Variants in AFAP1 observed in about 807,000 individuals in gnomAD.
AFAP1 encodes the protein actin filament associated protein 1.
A neutral mutation model predicts 93.9 loss-of-function variants in AFAP1; 75 were observed. The observed-to-expected ratio is 0.80, with a 90% confidence interval of 0.66 to 0.97. The LOEUF (loss-of-function observed/expected upper bound fraction) is 0.97, where lower values mean the gene tolerates loss of function less well. Ranked by LOEUF, AFAP1 falls within the 50% of genes least tolerant of loss-of-function variation. The pLI is 0.00. For missense variants in AFAP1, 1,201 were observed against 1,050.8 expected (o/e 1.14, Z -1.98); for synonymous variants, 517 against 430.7 (o/e 1.20, Z -2.48).
intron 10 of AFAP1, among the ~76,000 whole-genome samples, chr4:7,794,840 T>TAG (rs1440973798): frequency 1.3e-5 from 2 of 152,218 alleles, no homozygotes; most frequent in Non-Finnish European, 2.9e-5. Flanking sequence ...GCCATTGTTT[T>TAG]AAAGTGATTT....
chr4:7,879,699 C>CTTTTTTTTTTTTTTT (rs552211338), intron 1 of AFAP1, among the ~76,000 whole-genome samples: 44 of 121,706 alleles, frequency 3.6e-4, no homozygotes, highest in African/African-American at 1.2e-3. Context: ...TGCTTGCTTG[C>CTTTTTTTTTTTTTTT]TTTTTTTTTT....
intron 16 of AFAP1, among the ~76,000 whole-genome samples, chr4:7,770,877 G>A (rs1329757446): frequency 6.6e-6 from 1 of 152,134 alleles, no homozygotes; most frequent in East Asian, 1.9e-4. Flanking sequence ...ACAGAGGGAG[G>A]GGCACAGGGC....
At chr4:7,800,906 C>T (rs1367733236) in intron 9 of AFAP1, among the ~76,000 whole-genome samples, 1 of 152,188 alleles carries the variant, frequency 6.6e-6, no homozygotes, top group African/African-American at 2.4e-5. Flanking sequence ...GTGCAACGAA[C>T]CAGTTACCAG....
At chr4:7,929,202 A>C (rs1015779037) in intron 1 of AFAP1, among the ~76,000 whole-genome samples, 1 of 152,064 alleles carries the variant, frequency 6.6e-6, no homozygotes, top group South Asian at 2.1e-4. Flanking sequence ...TCTCCACATA[A>C]AAGTACAACT....
chr4:7,798,071 G>GATTGCAACTCTATTGGCTGGCTCACGGC (rs569702070), intron 10 of AFAP1, among the ~76,000 whole-genome samples: 2 of 150,976 alleles, frequency 1.3e-5, no homozygotes, highest in East Asian at 1.9e-4. Flanking sequence ...AAAAAGTATA[G>GATTGCAACTCTATTGGCTGGCTCACGGC]ATTGCAACTC....
intron 2 of AFAP1, among the ~76,000 whole-genome samples, chr4:7,870,872 G>T (rs1328930234): frequency 2.6e-5 from 4 of 152,122 alleles, no homozygotes; most frequent in East Asian, 3.9e-4. Flanking sequence ...TATACTAAAA[G>T]AATTCATGTA....
At chr4:7,838,857 CAT>C (rs1188862320) in intron 5 of AFAP1, among the ~76,000 whole-genome samples, 154 bp from the exon 6 acceptor site, 5 of 151,482 alleles carry the variant, frequency 3.3e-5, no homozygotes, top group African/African-American at 7.3e-5. Flanking sequence ...CACACACACA[CAT>C]ACACACAGTG....
intron 3 of AFAP1, among the ~76,000 whole-genome samples, chr4:7,862,724 G>A (rs75384505): frequency 0.016 from 2,403 of 152,258 alleles, 44 homozygotes; most frequent in African/African-American, 0.046. Flanking sequence ...GCTATCCCTT[G>A]AAACATGATA....
chr4:7,920,530 GAT>G (rs951666767), intron 1 of AFAP1, among the ~76,000 whole-genome samples: 1 of 152,168 alleles, frequency 6.6e-6, no homozygotes, highest in Non-Finnish European at 1.5e-5. Flanking sequence ...AAGAAGGAAA[GAT>G]AATTATCAAG....
At chr4:7,859,002 T>C (rs1715381377) in intron 3 of AFAP1, among the ~76,000 whole-genome samples, 1 of 152,174 alleles carries the variant, frequency 6.6e-6, no homozygotes, top group East Asian at 1.9e-4. Flanking sequence ...CACACACCAC[T>C]GTGGAATCAC....
At chr4:7,807,839 T>C (rs909646060) in intron 9 of AFAP1, among the ~76,000 whole-genome samples, 12 of 152,256 alleles carry the variant, frequency 7.9e-5, no homozygotes, top group Non-Finnish European at 1.3e-4. Flanking sequence ...CCATAGTGCC[T>C]GCTGGGTCCT....
At chr4:7,849,077 CACAG>C (rs1048542139) in intron 4 of AFAP1, among the ~76,000 whole-genome samples, 2 of 152,148 alleles carry the variant, frequency 1.3e-5, no homozygotes, top group Non-Finnish European at 2.9e-5. Flanking sequence ...GCACAGGAAC[CACAG>C]ACAAAGGTTA....
At chr4:7,806,099 A>G (rs1026834880) in intron 9 of AFAP1, among the ~76,000 whole-genome samples, 2 of 152,208 alleles carry the variant, frequency 1.3e-5, no homozygotes, top group Non-Finnish European at 2.9e-5. Flanking sequence ...AGAAGGGCAA[A>G]TAAGAGATAA....
Position 7,939,821 on chromosome 4 carries a change from C to G in AFAP1, c.-168G>C, listed in dbSNP as rs1001177954. On this transcript the variant is annotated 5_prime_UTR_variant, in exon 1 of 18. Transcript: ENST00000420658. This position sits in a 1 kb window ranked among gnomAD's most constrained non-coding sequence, Gnocchi z 5.6. ...ACCCCGCTCGAGATCCGGCTCGGCT[C>G]GCGGAGCTGCAGCCGGCGTGGGGCT... 11 of 300,202 alleles carry G rather than the reference C, an allele frequency of 3.7e-5. No individual in the cohort carries two copies. Among genetic ancestry groups the G allele is most frequent in the Non-Finnish European group, 7.0e-5 (11 of 157,194 alleles). 18.6% of individuals were successfully genotyped at this position (300,202 alleles called of 1,614,324 possible).
intron 1 of AFAP1, among the ~76,000 whole-genome samples, chr4:7,888,749 C>T (rs1044350266): frequency 6.6e-6 from 1 of 152,124 alleles, no homozygotes; most frequent in Admixed American, 6.5e-5. Flanking sequence ...CAGACTAACA[C>T]ACCTCATGAA....
At chr4:7,922,738 C>A (rs890463284) in intron 1 of AFAP1, among the ~76,000 whole-genome samples, 1 of 152,172 alleles carries the variant, frequency 6.6e-6, no homozygotes, top group Admixed American at 6.6e-5. Flanking sequence ...AATCCCAGCG[C>A]TTTCAGAGGC....
intron 1 of AFAP1, among the ~76,000 whole-genome samples, chr4:7,912,347 T>C (rs889269083): frequency 1.3e-5 from 2 of 152,252 alleles, no homozygotes; most frequent in African/African-American, 2.4e-5. Flanking sequence ...CCTATGGCAA[T>C]TGCACATTTA....
chr4:7,913,929 C>G (rs1719914134), intron 1 of AFAP1, among the ~76,000 whole-genome samples: 1 of 152,140 alleles, frequency 6.6e-6, no homozygotes, highest in African/African-American at 2.4e-5. Flanking sequence ...GGGGTACATA[C>G]AGTGATGTTA....
At chr4:7,857,929 C>T (rs73090504) in intron 3 of AFAP1, among the ~76,000 whole-genome samples, 5,042 of 152,170 alleles carry the variant, frequency 0.033, 193 homozygotes, top group African/African-American at 0.088. Flanking sequence ...CAACCTTTTG[C>T]GTATCCCCTT....
Sources: gnomAD v4.1 joint callset for allele counts (sites outside exome capture counted in the v4.1 genomes callset) on GRCh38, gnomAD v4.1.1 for gene constraint, Gnocchi (gnomAD v3.1) non-coding constraint, MANE v1.5 for transcripts, NCBI Gene and HGNC (gene_info 2026-07-23, HGNC 2026-07-21) for gene names.